Variants in VRK2 observed in about 807,000 individuals in gnomAD.
VRK2 encodes the protein serine/threonine-protein kinase VRK2.
A neutral mutation model predicts 57.6 loss-of-function variants in VRK2; 60 were observed. That is an observed-to-expected ratio of 1.04 (90% CI 0.85 to 1.29). The LOEUF is 1.29. Among genes scored for constraint, VRK2 ranks in the 50% most tolerant of loss-of-function variants. VRK2 has a pLI of 0.00. For synonymous variants in VRK2, 231 were observed against 199.2 expected (o/e 1.16, Z -1.35); for missense variants, 705 against 588.1 (o/e 1.20, Z -2.06).
chr2:58,116,771 C>T (rs944664723), intron 7 of VRK2, among the ~76,000 whole-genome samples: 1 of 152,192 alleles, frequency 6.6e-6, no homozygotes, highest in Non-Finnish European at 1.5e-5. Context: ...GTGAGTTGAA[C>T]AGTCCGATTT....
intron 2 of VRK2, among the ~76,000 whole-genome samples, chr2:58,032,224 TG>T (rs2103698986): frequency 6.6e-6 from 1 of 152,222 alleles, no homozygotes; most frequent in Admixed American, 6.5e-5. Flanking sequence ...AGGTTTTAGT[TG>T]ATCTAAGTGT....
In VRK2 at chr2:58,131,814, C is replaced by A. The variant is rs1408801076; in HGVS notation, c.683C>A (p.Ser228Tyr). The A allele has an allele frequency of 6.2e-7, 1 of 1,611,750 alleles. No individual in the cohort carries two copies. ...SLDAHKGVAL[S>Y]RRSDVEILGY... ...CTAATGCTTACTCCTATAGCCTTGT[C>A]CAGACGAAGTGACGTTGAGATCCTC... is the stretch of plus-strand genomic sequence containing the variant. Residue 228 changes from serine to tyrosine, a missense_variant, in exon 9 of 13, where the codon TCC (serine) becomes TAC (tyrosine). Coordinates refer to ENST00000340157, the MANE Select transcript of VRK2 (RefSeq NM_006296.7).
In VRK2 at chr2:58,113,394, C is replaced by T. The variant is rs180952086; in HGVS notation, c.544-9707C>T. ...GATGATGGAACTTCAGAGAGAGCCC[C>T]TCCTGCTGCTTCTGGAAAGAAAGAG... On this transcript the variant is annotated intron_variant, in intron 7 of 12. Transcript: ENST00000340157. 1.5e-3 allele frequency among the ~76,000 whole-genome samples: 227 copies of T among 152,148 alleles called. No homozygotes were observed. In the Middle Eastern group the frequency reaches 0.017, roughly 12 times the overall value.
chr2:57,936,531 G>T (rs11692641), intron 1 of VRK2, among the ~76,000 whole-genome samples: 120 of 134,638 alleles, frequency 8.9e-4, no homozygotes, highest in Middle Eastern at 3.7e-3. Flanking sequence ...TTGTTTTTTT[G>T]TTTTTTTTTT....
intron 1 of VRK2, among the ~76,000 whole-genome samples, chr2:57,987,685 C>A (rs559583972): frequency 1.7e-4 from 26 of 152,110 alleles, no homozygotes; most frequent in Middle Eastern, 6.8e-3. Flanking sequence ...TTTATGTTCA[C>A]ACAAAAACCT....
At chr2:58,041,684 C>A (rs1352754201), upstream of VRK2, among the ~76,000 whole-genome samples, 1 of 152,138 alleles carries the variant, frequency 6.6e-6, no homozygotes, top group Non-Finnish European at 1.5e-5. Context: ...AAGTCTTTTT[C>A]CTGATCCAGA....
At chr2:58,146,090 C>T (rs1358503507) in intron 11 of VRK2, among the ~76,000 whole-genome samples, 1 of 151,984 alleles carries the variant, frequency 6.6e-6, no homozygotes, top group Non-Finnish European at 1.5e-5. Context: ...CATACGTGTG[C>T]ATGCAGTGAC....
chr2:57,972,169 G>A (rs1015689095), intron 1 of VRK2, among the ~76,000 whole-genome samples: 6 of 151,796 alleles, frequency 4.0e-5, no homozygotes, highest in Non-Finnish European at 5.9e-5. Flanking sequence ...TATGGCAATT[G>A]TGGGTGTTCA....
intron 1 of VRK2, among the ~76,000 whole-genome samples, chr2:57,958,901 T>G (rs1253549709): frequency 1.3e-5 from 2 of 152,184 alleles, no homozygotes; most frequent in African/African-American, 4.8e-5. Context: ...TGTCATTGCT[T>G]GTATTCAAAG....
At chr2:57,978,428 C>A (rs1173857233) in intron 1 of VRK2, among the ~76,000 whole-genome samples, 1 of 150,908 alleles carries the variant, frequency 6.6e-6, no homozygotes, top group Non-Finnish European at 1.5e-5. Flanking sequence ...GCCTTGATAA[C>A]AGAAGACCTA....
intron 1 of VRK2, among the ~76,000 whole-genome samples, chr2:57,993,234 C>T (rs1057225044): frequency 6.6e-6 from 1 of 152,082 alleles, no homozygotes; most frequent in Non-Finnish European, 1.5e-5. Flanking sequence ...AACTTACTTC[C>T]ACTTTAAGAC....
chr2:58,137,189 G>A (rs1281961574), intron 10 of VRK2, among the ~76,000 whole-genome samples: 1 of 51,830 alleles, frequency 1.9e-5, no homozygotes, highest in Admixed American at 1.8e-4. Context: ...TATCATATAT[G>A]ATACATATAT....
intron 2 of VRK2, among the ~76,000 whole-genome samples, chr2:58,027,137 T>C (rs1673954543): frequency 6.6e-6 from 1 of 152,068 alleles, no homozygotes; most frequent in South Asian, 2.1e-4. Flanking sequence ...AGGGTGCCCT[T>C]CTCTGTTTAA....
At chr2:57,954,411 C>T (rs934030591) in intron 1 of VRK2, among the ~76,000 whole-genome samples, 6 of 152,012 alleles carry the variant, frequency 3.9e-5, no homozygotes, top group Admixed American at 2.0e-4. Context: ...AGGCTAACTG[C>T]CCTCCTCAAA....
At chr2:58,075,539 C>G (rs893219999) in intron 2 of VRK2, among the ~76,000 whole-genome samples, 1 of 152,162 alleles carries the variant, frequency 6.6e-6, no homozygotes, top group African/African-American at 2.4e-5. Flanking sequence ...TGAAACCTCG[C>G]CAACATCTAT....
At position 57,956,834 on chromosome 2, in the gene VRK2, A is replaced by C. The variant is rs568985719; in HGVS notation, c.-439+48995A>C. On this transcript the variant is annotated intron_variant, in intron 1 of 15. Transcript: ENST00000417641. ...ACTAACTTGTTACTTCCTTATTAAA[A>C]CACAGTTTTAAAATGTCTGCCATTG... is the stretch of plus-strand genomic sequence containing the variant. Among the ~76,000 whole-genome samples, 116 of 152,232 alleles carry C rather than the reference A, an allele frequency of 7.6e-4. 1 individual carries two copies. Among genetic ancestry groups the C allele is most frequent in the African/African-American group, 2.7e-3 (113 of 41,536 alleles).
chr2:57,943,121 T>C (rs998345273), intron 1 of VRK2, among the ~76,000 whole-genome samples: 1 of 152,214 alleles, frequency 6.6e-6, no homozygotes, highest in African/African-American at 2.4e-5. Flanking sequence ...ATAATCCTAC[T>C]GCATATAGTA....
intron 1 of VRK2, among the ~76,000 whole-genome samples, chr2:57,988,437 T>A (rs532463825): frequency 5.3e-5 from 8 of 152,174 alleles, no homozygotes; most frequent in African/African-American, 1.9e-4. Flanking sequence ...AGATAGCTAA[T>A]AAAACATTAT....
chr2:58,159,876 G>C, downstream of VRK2: 1 of 1,593,440 alleles, frequency 6.3e-7, no homozygotes, highest in African/African-American at 1.3e-5. Flanking sequence ...TAGAAATAGT[G>C]TCATAGAATA....
Sources: allele counts gnomAD v4.1 joint callset (sites outside exome capture counted in the v4.1 genomes callset), GRCh38; gene constraint gnomAD v4.1.1; transcripts MANE v1.5; gene names NCBI Gene and HGNC (gene_info 2026-07-23, HGNC 2026-07-21).